The following PFKFB3 variants were observed in gnomAD, a reference collection of about 807,000 sequenced individuals.
PFKFB3 encodes the protein 6-phosphofructo-2-kinase/fructose-2,6-biphosphatase 3.
In PFKFB3, 33 loss-of-function variants were observed where a neutral mutation model predicts 68.0. The observed-to-expected ratio is 0.49, with a 90% CI of 0.37 to 0.65. The LOEUF is 0.65. Ranked by LOEUF, PFKFB3 falls within the 30% of genes least tolerant of loss-of-function variation. The probability of loss-of-function intolerance (pLI) is 0.00; values close to 1 mark genes in which losing one functional copy is unlikely to be tolerated. For missense variants in PFKFB3, 586 were observed against 712.2 expected (o/e 0.82, Z 2.02); for synonymous variants, 315 against 288.2 (o/e 1.09, Z -0.94).
At chr10:6,196,667 G>T (rs1189554030) in intron 1 of PFKFB3, among the ~76,000 whole-genome samples, 2 of 152,080 alleles carry the variant, frequency 1.3e-5, no homozygotes, top group Non-Finnish European at 2.9e-5. Flanking sequence ...TTTTGTTCGG[G>T]CCCTGCTGGC....
chr10:6,222,230 A>G (rs7924061), intron 10 of PFKFB3, among the ~76,000 whole-genome samples: 145,468 of 152,304 alleles, frequency 0.96, 69,830 homozygotes, highest in East Asian at 1. Flanking sequence ...GCCTCAGACT[A>G]AGCCTTACAC....
At chr10:6,301,352 A>G in the PFKFB3 span, among the ~76,000 whole-genome samples, 143,966 of 152,284 alleles carry the variant, frequency 0.95, 68,606 homozygotes, top group East Asian at 1. Context: ...CAGGGACTTC[A>G]TAAAGGTGCA....
rs3829146 is a variant in PFKFB3 at position 6,224,416 on chromosome 10, C to T, written c.1341+203C>T. The T allele has an allele frequency of 9.5e-4, 601 of 631,282 alleles. 6 individuals are homozygous for T. In the East Asian group the frequency reaches 0.016, roughly 17 times the overall value. 39.1% of individuals were successfully genotyped at this position (631,282 alleles called of 1,614,324 possible). Reference sequence around the variant, plus strand: ...CTGGGGCCTTCTCATTTTCTTTCTTCCTGTGTCCTCTTCCTCCCATTTCTG... The same window carrying T: ...CTGGGGCCTTCTCATTTTCTTTCTTTCTGTGTCCTCTTCCTCCCATTTCTG... On this transcript the variant is annotated intron_variant, in intron 13 of 14. Coordinates refer to ENST00000379775, the MANE Select transcript of PFKFB3 (RefSeq NM_004566.4).
chr10:6,211,962 C>T (rs552414238), intron 1 of PFKFB3, among the ~76,000 whole-genome samples: 125 of 152,340 alleles, frequency 8.2e-4, no homozygotes, highest in African/African-American at 2.8e-3. Context: ...CTGGGGGCTC[C>T]GGCTTACAGA....
chr10:6,314,072 G>A, the PFKFB3 span, among the ~76,000 whole-genome samples: 2 of 152,224 alleles, frequency 1.3e-5, no homozygotes, highest in Non-Finnish European at 2.9e-5. Context: ...GGCAGTCACT[G>A]TTTCCTGAGA....
At chr10:6,223,040 C>CA (rs1845078305) in intron 11 of PFKFB3, 56 bp downstream of exon 11, 2 of 1,559,140 alleles carry the variant, frequency 1.3e-6, no homozygotes, top group Non-Finnish European at 8.7e-7. Context: ...TGGCACTCGG[C>CA]GGGGGGTCAG....
intron 14 of PFKFB3, among the ~76,000 whole-genome samples, chr10:6,240,584 A>G (rs1846118466): frequency 6.6e-6 from 1 of 152,058 alleles, no homozygotes; most frequent in South Asian, 2.1e-4. Flanking sequence ...TTAGATTTAC[A>G]GAAGAGTTGC....
At chr10:6,216,230 C>T in intron 4 of PFKFB3, 39 bp downstream of exon 4, 1 of 1,579,140 alleles carries the variant, frequency 6.3e-7, no homozygotes, top group Non-Finnish European at 8.7e-7. Context: ...TGTCCAGTCC[C>T]ACCCATGAGG....
At chr10:6,264,722 C>T in the PFKFB3 span, among the ~76,000 whole-genome samples, 2 of 152,146 alleles carry the variant, frequency 1.3e-5, no homozygotes, top group African/African-American at 4.8e-5. Context: ...CTGTTTCCCT[C>T]TTTCTTTTTC....
chr10:6,256,057 A>C (rs1846490727), downstream of PFKFB3, among the ~76,000 whole-genome samples: 1 of 152,186 alleles, frequency 6.6e-6, no homozygotes, highest in Admixed American at 6.5e-5. Context: ...GGTTTGGGAT[A>C]AGCCACATAA....
At position 6,215,543 on chromosome 10, in the gene PFKFB3, C is replaced by T. The variant is rs1844520426; in HGVS notation, c.299+226C>T. Among the ~76,000 whole-genome samples, 1 of 152,278 alleles carries T rather than the reference C, an allele frequency of 6.6e-6. No homozygotes were observed. The highest frequency in any genetic ancestry group is 2.1e-4 in the South Asian group (1 of 4,826). ...GAGAAAGCCGGCCTGCGGGTGGGTC[C>T]TGCTGGTGGCTTCAGGGCTGTGCAG... is the stretch of plus-strand genomic sequence containing the variant. On this transcript the variant is annotated intron_variant, in intron 3 of 14. Transcript: ENST00000379775. The surrounding 1 kb of genome is among the most constrained non-coding windows in gnomAD (Gnocchi z 4.3).
At chr10:6,254,246 T>A (rs1331222302) in exon 15 of PFKFB3, 9 of 398,370 alleles carry the variant, frequency 2.3e-5, no homozygotes, top group Admixed American at 4.4e-5. Context: ...GGCAGAGCAT[T>A]CTCTGGATAC....
chr10:6,204,318 T>C lies in PFKFB3; in HGVS notation c.76+982T>C, dbSNP rs568618563. Among the ~76,000 whole-genome samples, 28 of 152,382 alleles carry C rather than the reference T, an allele frequency of 1.8e-4. 1 individual carries two copies. Among genetic ancestry groups the C allele is most frequent in the Admixed American group, 3.3e-4 (5 of 15,312 alleles). ...GTTTTGCCCAGGTCAGGTCGTAGCC[T>C]GAGTAGTGACCGTGGGATCCAGGTG... On this transcript the variant is annotated intron_variant, in intron 1 of 14. Transcript: ENST00000379775.
chr10:6,207,458 T>TA (rs1564620743), intron 1 of PFKFB3, among the ~76,000 whole-genome samples: 2 of 152,024 alleles, frequency 1.3e-5, no homozygotes, highest in Admixed American at 6.6e-5. Flanking sequence ...AGCTGGAGCT[T>TA]AAAAAAATTT....
At chr10:6,302,749 T>C in the PFKFB3 span, among the ~76,000 whole-genome samples, 8 of 145,836 alleles carry the variant, frequency 5.5e-5, no homozygotes, top group South Asian at 6.6e-4. Flanking sequence ...TGTGTGTGTA[T>C]ACACACACAC....
chr10:6,228,708 CT>C lies in PFKFB3; in HGVS notation c.1515+2344del, dbSNP rs1341980684. On this transcript the variant is annotated intron_variant, in intron 14 of 14. Coordinates refer to ENST00000379775, the MANE Select transcript of PFKFB3 (RefSeq NM_004566.4). The surrounding 1 kb of genome is among the most constrained non-coding windows in gnomAD (Gnocchi z 4.5). ...GGGAATAGTGGGAGTGTGGTGGGGCCTGAGCTCTGAGCCTCTCCCTCCCCAT... is the reference window on the plus strand; with the variant it reads ...GGGAATAGTGGGAGTGTGGTGGGGCCGAGCTCTGAGCCTCTCCCTCCCCAT... 6.6e-6 allele frequency among the ~76,000 whole-genome samples: 1 copy of C among 152,042 alleles called. No individual in the cohort carries two copies. Among genetic ancestry groups the C allele is most frequent in the African/African-American group, 2.4e-5 (1 of 41,392 alleles).
the PFKFB3 span, among the ~76,000 whole-genome samples, chr10:6,259,871 G>A: frequency 6.6e-6 from 1 of 152,168 alleles, no homozygotes; most frequent in African/African-American, 2.4e-5. Context: ...TTGTTCAGTA[G>A]TGGAACATCA....
chr10:6,164,975 G>A (rs143573734), intron 1 of PFKFB3, among the ~76,000 whole-genome samples: 1 of 151,376 alleles, frequency 6.6e-6, no homozygotes, highest in Non-Finnish European at 1.5e-5. Context: ...GAGACAGAAG[G>A]CTTCCTCTTA....
chr10:6,237,077 G>A (rs761919708), downstream of PFKFB3, among the ~76,000 whole-genome samples: 4 of 152,178 alleles, frequency 2.6e-5, no homozygotes, highest in Admixed American at 6.5e-5. Flanking sequence ...CCCACCGCAG[G>A]GCCTTCGAGA....
Sources: allele counts gnomAD v4.1 joint callset (sites outside exome capture counted in the v4.1 genomes callset), GRCh38; gene constraint gnomAD v4.1.1; non-coding constraint Gnocchi (gnomAD v3.1); transcripts MANE v1.5; gene names NCBI Gene and HGNC (gene_info 2026-07-23, HGNC 2026-07-21).